The following NAV3 variants were observed in gnomAD, a reference collection of about 807,000 sequenced individuals.
NAV3 encodes neuron navigator 3, also known as pore membrane and/or filament interacting like protein 1.
A neutral mutation model predicts 244.7 loss-of-function variants in NAV3; 87 were observed. The ratio of observed to expected loss-of-function variants is 0.36; its 90% CI spans 0.30 to 0.42. The LOEUF (loss-of-function observed/expected upper bound fraction) is 0.42, where lower values mean the gene tolerates loss of function less well. NAV3 is among the 20% of genes least tolerant of loss of function. NAV3 has a pLI of 1.00. For synonymous variants in NAV3, 1,126 were observed against 1,042.2 expected, an observed-to-expected ratio of 1.08 and a Z score of -1.55; for missense variants, 2,663 against 2,893.3, an observed-to-expected ratio of 0.92 and a Z score of 1.83.
At chr12:77,775,687 A>G (rs1388546143) in intron 2 of NAV3, 1 of 152,252 alleles carries the variant, frequency 6.6e-6, no homozygotes. Context: ...CAAAACCTGT[A>G]GTGATCACAA....
chr12:77,669,324 C>T (rs567778419), intron 2 of NAV3, among the ~76,000 whole-genome samples: 4 of 152,128 alleles, frequency 2.6e-5, no homozygotes, highest in South Asian at 4.2e-4. Context: ...ACAAATAGCA[C>T]GATGAATAGA....
chr12:77,967,871 A>G (rs913489649), intron 4 of NAV3, among the ~76,000 whole-genome samples: 3 of 152,194 alleles, frequency 2.0e-5, no homozygotes, highest in Non-Finnish European at 4.4e-5. Flanking sequence ...GCATAAATTA[A>G]AAATAAAAGA....
At chr12:77,943,881 T>G (rs1019405615) in intron 3 of NAV3, among the ~76,000 whole-genome samples, 8 of 152,206 alleles carry the variant, frequency 5.3e-5, no homozygotes, top group Non-Finnish European at 7.4e-5. Context: ...TTGCTACCCT[T>G]TATTGAATCA....
chr12:77,734,242 T>G (rs1215453720), intron 2 of NAV3, among the ~76,000 whole-genome samples: 1 of 152,030 alleles, frequency 6.6e-6, no homozygotes, highest in Non-Finnish European at 1.5e-5. Context: ...TTACATTCTA[T>G]TTTCGATGAA....
chr12:78,156,634 A>G (rs962371017), intron 22 of NAV3, among the ~76,000 whole-genome samples: 1 of 152,136 alleles, frequency 6.6e-6, no homozygotes, highest in Non-Finnish European at 1.5e-5. Flanking sequence ...CTCCACTATA[A>G]GGAGAATTAA....
intron 2 of NAV3, among the ~76,000 whole-genome samples, chr12:77,768,878 A>G (rs1173643849): frequency 6.6e-6 from 1 of 152,228 alleles, no homozygotes; most frequent in Non-Finnish European, 1.5e-5. Flanking sequence ...CAGCTGCTCC[A>G]GATGAGCCAC....
chr12:78,007,566 G>C (rs1288178813), intron 8 of NAV3, 121 bp downstream of exon 8: 6 of 1,093,270 alleles, frequency 5.5e-6, no homozygotes, highest in Admixed American at 2.8e-5. Context: ...AAAGTTTCAT[G>C]CTAAAGATAG....
chr12:78,079,619 G>A lies in NAV3; in HGVS notation c.2636+20504G>A, dbSNP rs191028598. Among the ~76,000 whole-genome samples, 278 of 152,196 alleles carry A rather than the reference G, an allele frequency of 1.8e-3. 1 individual carries two copies. Among genetic ancestry groups the A allele is most frequent in the Non-Finnish European group, 9.4e-4 (64 of 67,990 alleles). On this transcript the variant is annotated intron_variant, in intron 12 of 39. Coordinates refer to ENST00000397909, the MANE Select transcript of NAV3 (RefSeq NM_001024383.2). ...CTTCTCTTCATAGAAAAAATTATTA[G>A]CAGACATCAGAAATCAGTTAATTTT...
chr12:78,136,972 G>A (rs955206145), intron 18 of NAV3, among the ~76,000 whole-genome samples: 1 of 152,028 alleles, frequency 6.6e-6, no homozygotes, highest in African/African-American at 2.4e-5. Flanking sequence ...TTGATGTAAG[G>A]CTTCCCATAA....
intron 1 of NAV3, among the ~76,000 whole-genome samples, chr12:77,898,055 A>G (rs1034093334): frequency 3.3e-5 from 5 of 152,190 alleles, no homozygotes; most frequent in African/African-American, 9.6e-5. Context: ...TCTTATAACC[A>G]TTACAGATTA....
Position 78,177,651 on chromosome 12 carries a change from C to T in NAV3, c.5329C>T (p.Gln1777Ter), listed in dbSNP as rs1217468821. Residue 1777 changes from glutamine to a stop codon, truncating the protein, a stop_gained, in exon 28 of 40, where the codon CAA becomes TAA. Transcript: ENST00000397909. LOFTEE classifies it high-confidence loss of function. ...SPLVWPPKKR[Q>*]NGPVIYKHRS... ...CCTTGTCTGGCCACCAAAGAAACGA[C>T]AAAATGGCCCTGTGATCTACAAGCA... 4.4e-6 allele frequency: 7 copies of T among 1,597,308 alleles called. No individual in the cohort carries two copies. Among genetic ancestry groups the T allele is most frequent in the Non-Finnish European group, 5.9e-6 (7 of 1,179,220 alleles).
At chr12:77,744,061 T>TA (rs1306693602) in intron 2 of NAV3, among the ~76,000 whole-genome samples, 1 of 151,942 alleles carries the variant, frequency 6.6e-6, no homozygotes, top group African/African-American at 2.4e-5. Flanking sequence ...TTTCTTTTTG[T>TA]AAAAATCAAC....
At chr12:77,830,313 A>G (rs931004806), upstream of NAV3, among the ~76,000 whole-genome samples, 5 of 152,204 alleles carry the variant, frequency 3.3e-5, no homozygotes, top group African/African-American at 1.2e-4. Context: ...CTAAAATCAT[A>G]CATTCTTTCC....
At chr12:78,174,546 C>G (rs991078853) in intron 24 of NAV3, among the ~76,000 whole-genome samples, 1 of 151,824 alleles carries the variant, frequency 6.6e-6, no homozygotes, top group South Asian at 2.1e-4. Context: ...TTAGGTACTC[C>G]GGGGGCATAT....
chr12:77,675,398 T>C (rs1227736015), intron 2 of NAV3, among the ~76,000 whole-genome samples: 2 of 152,120 alleles, frequency 1.3e-5, no homozygotes, highest in African/African-American at 4.8e-5. Flanking sequence ...AGGCAGAATT[T>C]CCTTCAGCTC....
intron 2 of NAV3, among the ~76,000 whole-genome samples, chr12:77,732,368 G>A (rs1274264797): frequency 6.6e-6 from 1 of 151,950 alleles, no homozygotes; most frequent in Admixed American, 6.6e-5. Context: ...CCTATACAGA[G>A]GGAGATTTGA....
chr12:77,976,667 T>TTTC (rs1162135347), intron 5 of NAV3, among the ~76,000 whole-genome samples: 1,273 of 55,312 alleles, frequency 0.023, 42 homozygotes, highest in African/African-American at 0.052. Flanking sequence ...TCTTTCTTTC[T>TTTC]TTTTTTCTTT....
intron 2 of NAV3, among the ~76,000 whole-genome samples, chr12:77,679,291 G>A (rs941872594): frequency 2.0e-5 from 3 of 152,178 alleles, no homozygotes; most frequent in South Asian, 4.1e-4. Flanking sequence ...CAACACGAAG[G>A]ATAGGAAGAC....
At chr12:78,161,272 CA>C (rs1050953174) in intron 23 of NAV3, among the ~76,000 whole-genome samples, 4 of 152,032 alleles carry the variant, frequency 2.6e-5, no homozygotes, top group African/African-American at 9.6e-5. Flanking sequence ...TAGGGGCTAC[CA>C]AAAAATATTA....
Sources: gnomAD v4.1 joint callset for allele counts (sites outside exome capture counted in the v4.1 genomes callset) on GRCh38, gnomAD v4.1.1 for gene constraint, MANE v1.5 for transcripts, NCBI Gene and HGNC (gene_info 2026-07-23, HGNC 2026-07-21) for gene names.